Variants in KCND2 observed in about 807,000 individuals in gnomAD.
The protein encoded by KCND2 is A-type voltage-gated potassium channel KCND2.
In KCND2, 16 loss-of-function variants were observed where a neutral mutation model predicts 54.4. That is an observed-to-expected ratio of 0.29 (90% CI 0.20 to 0.45). The LOEUF (loss-of-function observed/expected upper bound fraction) is 0.45. Among genes scored for constraint, KCND2 ranks in the 20% least tolerant of loss-of-function variants. The pLI, the probability that KCND2 is intolerant of heterozygous loss-of-function variation, is 1.00. For synonymous variants in KCND2, 317 were observed against 310.7 expected (o/e 1.02, Z -0.21); for missense variants, 486 against 824.2 (o/e 0.59, Z 5.02).
At chr7:120,731,086 C>T (rs1010988403) in intron 1 of KCND2, among the ~76,000 whole-genome samples, 1 of 152,108 alleles carries the variant, frequency 6.6e-6, no homozygotes, top group Non-Finnish European at 1.5e-5. Flanking sequence ...CTCCTTGTCC[C>T]CCGCCCCAGG....
intron 1 of KCND2, among the ~76,000 whole-genome samples, chr7:120,687,130 T>C (rs1223525251): frequency 6.6e-6 from 1 of 152,078 alleles, no homozygotes; most frequent in African/African-American, 2.4e-5. Flanking sequence ...AGACATTATA[T>C]TAAGTGAAAT....
At chr7:120,426,417 AT>A (rs1465904784) in intron 1 of KCND2, among the ~76,000 whole-genome samples, 3 of 152,096 alleles carry the variant, frequency 2.0e-5, no homozygotes, top group African/African-American at 7.2e-5. Flanking sequence ...TGTTTCCAAG[AT>A]TTTGATGGTC....
intron 4 of KCND2, among the ~76,000 whole-genome samples, chr7:120,745,325 G>A (rs1022581593): frequency 6.6e-6 from 1 of 152,108 alleles, no homozygotes; most frequent in African/African-American, 2.4e-5. Context: ...GAAAAGATTT[G>A]CTAATATATA....
In KCND2 at chr7:120,733,021, A is replaced by T; in HGVS notation, c.1234A>T (p.Ile412Phe). ...GGTGATTGTATCCAACTTCAGTCGC[A>T]TCTACCACCAGAATCAACGAGCAGA... ...VPVIVSNFSR[I>F]YHQNQRADKR... Residue 412 changes from isoleucine (I) to phenylalanine (F), a missense_variant, in exon 2 of 6, where the codon ATC (isoleucine) becomes TTC (phenylalanine). Ile to Phe is a conservative substitution (Grantham distance 21). Transcript: ENST00000331113. 1 of 1,613,696 alleles carries T rather than the reference A, an allele frequency of 6.2e-7. No homozygotes were observed. The highest frequency in any genetic ancestry group is 8.5e-7 in the Non-Finnish European group (1 of 1,179,764).
intron 1 of KCND2, among the ~76,000 whole-genome samples, chr7:120,309,468 T>TACACAC (rs369683197): frequency 1.6e-4 from 20 of 123,298 alleles, no homozygotes; most frequent in South Asian, 5.3e-4. Context: ...TATATATATA[T>TACACAC]ATATATACAC....
At chr7:120,672,139 T>C (rs1792000514) in intron 1 of KCND2, among the ~76,000 whole-genome samples, 1 of 152,090 alleles carries the variant, frequency 6.6e-6, no homozygotes. Flanking sequence ...AACCTACTTC[T>C]GTTCAGTGAT....
intron 1 of KCND2, among the ~76,000 whole-genome samples, chr7:120,707,609 A>T (rs1052264766): frequency 6.6e-6 from 1 of 152,126 alleles, no homozygotes; most frequent in Non-Finnish European, 1.5e-5. Flanking sequence ...CGGTGAGCAC[A>T]TTGCTAGACT....
At chr7:120,447,133 G>A (rs1480388361) in intron 1 of KCND2, among the ~76,000 whole-genome samples, 1 of 151,958 alleles carries the variant, frequency 6.6e-6, no homozygotes, top group African/African-American at 2.4e-5. Flanking sequence ...TCAAACTTAG[G>A]AAGTTGGCCC....
At chr7:120,599,707 A>C (rs747254241) in intron 1 of KCND2, among the ~76,000 whole-genome samples, 1 of 151,918 alleles carries the variant, frequency 6.6e-6, no homozygotes, top group Non-Finnish European at 1.5e-5. Context: ...TTTTTTGTAG[A>C]TTTTTGACAT....
intron 1 of KCND2, among the ~76,000 whole-genome samples, chr7:120,723,044 G>A (rs943455575): frequency 7.2e-5 from 11 of 152,178 alleles, no homozygotes; most frequent in Non-Finnish European, 1.6e-4. Context: ...TGCACCGTGG[G>A]GAGTTTCATC....
At chr7:120,279,858 G>C (rs1429626979) in intron 1 of KCND2, among the ~76,000 whole-genome samples, 1 of 151,722 alleles carries the variant, frequency 6.6e-6, no homozygotes, top group South Asian at 2.1e-4. Flanking sequence ...TATTATTAAA[G>C]AGAAGGATAA....
intron 1 of KCND2, among the ~76,000 whole-genome samples, chr7:120,338,945 A>G (rs931135745): frequency 4.0e-5 from 6 of 151,648 alleles, no homozygotes; most frequent in Non-Finnish European, 5.9e-5. Flanking sequence ...AGTGGCATGG[A>G]TCTCAGCTCA....
At chr7:120,275,795 C>A in intron 1 of KCND2, 48 bp downstream of exon 1, 2 of 1,572,740 alleles carry the variant, frequency 1.3e-6, no homozygotes, top group Non-Finnish European at 8.7e-7. Flanking sequence ...ATGGGTGAGG[C>A]GATTGTGGAC....
intron 1 of KCND2, among the ~76,000 whole-genome samples, chr7:120,389,684 G>A (rs1801043989): frequency 6.6e-6 from 1 of 151,626 alleles, no homozygotes; most frequent in Non-Finnish European, 1.5e-5. Context: ...AATTTTTGTT[G>A]ATATTACAGT....
chr7:120,437,600 T>G (rs1801887590), intron 1 of KCND2, among the ~76,000 whole-genome samples: 2 of 152,164 alleles, frequency 1.3e-5, no homozygotes, highest in Admixed American at 1.3e-4. Flanking sequence ...AATATAATGA[T>G]AAACCAACCC....
chr7:120,301,331 C>T (rs1314385854), intron 1 of KCND2, among the ~76,000 whole-genome samples: 1 of 152,120 alleles, frequency 6.6e-6, no homozygotes, highest in African/African-American at 2.4e-5. Flanking sequence ...TGCTTTTGAG[C>T]AATAAACATA....
At chr7:120,389,948 T>C (rs552015614) in intron 1 of KCND2, among the ~76,000 whole-genome samples, 166 of 152,042 alleles carry the variant, frequency 1.1e-3, no homozygotes, top group African/African-American at 3.9e-3. Flanking sequence ...GTTTGGACAC[T>C]ATAAACTTAT....
At chr7:120,277,974 AGCTTC>A (rs1221134554) in intron 1 of KCND2, among the ~76,000 whole-genome samples, 13 of 151,968 alleles carry the variant, frequency 8.6e-5, no homozygotes, top group Non-Finnish European at 1.9e-4. Context: ...TTAAAGACTT[AGCTTC>A]ACTGAATTTG....
intron 1 of KCND2, among the ~76,000 whole-genome samples, chr7:120,428,701 A>G (rs1279813547): frequency 1.3e-5 from 2 of 152,214 alleles, no homozygotes; most frequent in African/African-American, 2.4e-5. Context: ...GGAGGAAGGC[A>G]AGACCAGCAC....
Sources: allele counts gnomAD v4.1 joint callset (sites outside exome capture counted in the v4.1 genomes callset), GRCh38; gene constraint gnomAD v4.1.1; transcripts MANE v1.5; gene names NCBI Gene and HGNC (gene_info 2026-07-23, HGNC 2026-07-21).